The following C1orf146 variants were observed in gnomAD, a reference collection of about 807,000 sequenced individuals.
C1orf146 encodes the protein protein SPO16 homolog.
In C1orf146, 22 loss-of-function variants were observed where a neutral mutation model predicts 23.0. That is an observed-to-expected ratio of 0.96 (90% CI 0.68 to 1.36). C1orf146 has a LOEUF of 1.36. C1orf146 is among the 40% of genes most tolerant of loss of function. The probability of loss-of-function intolerance (pLI) is 0.00; values close to 1 mark genes in which losing one functional copy is unlikely to be tolerated. For synonymous variants in C1orf146, 59 were observed against 65.3 expected (o/e 0.90, Z 0.47); for missense variants, 199 against 206.8 (o/e 0.96, Z 0.23).
At chr1:92,223,983 G>A (rs993691564) in intron 1 of C1orf146, among the ~76,000 whole-genome samples, 3 of 150,786 alleles carry the variant, frequency 2.0e-5, no homozygotes, top group African/African-American at 7.3e-5. Flanking sequence ...AGGTGTTACT[G>A]GTGCAGTTTT....
chr1:92,243,674 G>C (rs1271756115), intron 3 of C1orf146, among the ~76,000 whole-genome samples: 1 of 152,074 alleles, frequency 6.6e-6, no homozygotes, highest in African/African-American at 2.4e-5. Flanking sequence ...TCTTTCTTTA[G>C]CTGATTTCCA....
rs1207066056 is a variant in C1orf146 at position 92,242,369 on chromosome 1, C to T, written c.160+64C>T. The T allele has an allele frequency of 4.7e-6, 4 of 851,220 alleles. No individual in the cohort carries two copies. The Admixed American group carries it at 9.5e-5, about 20-fold the overall frequency. 52.7% of individuals were successfully genotyped at this position (851,220 alleles called of 1,614,324 possible). The stretch of plus-strand genomic sequence containing the variant: ...AATATGTTGGTATAAATTCTAATGA[C>T]TTCATAGTTCAGTAACCATGTAATG... On this transcript the variant is annotated intron_variant, in intron 3 of 5. Coordinates refer to ENST00000370375, the MANE Select transcript of C1orf146 (RefSeq NM_001012425.2).
At chr1:92,235,757 A>C (rs536013191) in intron 2 of C1orf146, among the ~76,000 whole-genome samples, 1 of 152,272 alleles carries the variant, frequency 6.6e-6, no homozygotes, top group East Asian at 1.9e-4. Context: ...GTCTCTTTGT[A>C]GGTCACTCAG....
intron 5 of C1orf146, 69 bp downstream of exon 5, chr1:92,244,926 C>A: frequency 1.1e-6 from 1 of 900,274 alleles, no homozygotes. Flanking sequence ...AATTGTCACC[C>A]TTTTGAGCGA....
intron 5 of C1orf146, among the ~76,000 whole-genome samples, 182 bp downstream of exon 5, chr1:92,245,039 G>T (rs1261725356): frequency 6.6e-6 from 1 of 152,060 alleles, no homozygotes; most frequent in Non-Finnish European, 1.5e-5. Flanking sequence ...TTTACTTCCA[G>T]TAGCCACTAC....
intron 2 of C1orf146, among the ~76,000 whole-genome samples, chr1:92,234,574 T>G (rs1471168636): frequency 3.3e-5 from 5 of 152,242 alleles, no homozygotes; most frequent in Non-Finnish European, 7.3e-5. Flanking sequence ...AAAATTCTCT[T>G]TTTTTGTTGT....
rs527450633 is a variant in C1orf146, at chr1:92,235,666, G to A, written c.66+4180G>A. Among the ~76,000 whole-genome samples the A allele has an allele frequency of 2.5e-3, 386 of 152,114 alleles. 3 individuals are homozygous for A. The highest frequency in any genetic ancestry group is 9.1e-3 in the South Asian group (44 of 4,822). On this transcript the variant is annotated intron_variant, in intron 2 of 5. Transcript: ENST00000370375. ...CTGAGTTCAATTCCTGGGTATCCTT[G>A]TTGACTTTCTGTCTCGTTGATCTGT...
intron 1 of C1orf146, among the ~76,000 whole-genome samples, chr1:92,220,567 C>G (rs1651795828): frequency 6.6e-6 from 1 of 152,068 alleles, no homozygotes; most frequent in African/African-American, 2.4e-5. Context: ...CTAAACATAT[C>G]TAAATGTAAA....
chr1:92,219,950 T>C (rs1433780786), intron 1 of C1orf146, among the ~76,000 whole-genome samples: 1 of 152,232 alleles, frequency 6.6e-6, no homozygotes, highest in Non-Finnish European at 1.5e-5. Flanking sequence ...GGATATTCAC[T>C]TTATACTTTG....
chr1:92,240,027 C>A (rs2100746941), intron 2 of C1orf146, among the ~76,000 whole-genome samples: 1 of 152,314 alleles, frequency 6.6e-6, no homozygotes. Flanking sequence ...TCACTCAGAT[C>A]ATTTTCTTTG....
intron 2 of C1orf146, among the ~76,000 whole-genome samples, chr1:92,238,392 T>A (rs558237967): frequency 6.6e-6 from 1 of 152,342 alleles, no homozygotes; most frequent in Non-Finnish European, 1.5e-5. Context: ...GAGACTTTAA[T>A]ATGCTCAAAT....
chr1:92,235,126 T>C (rs1433120186), intron 2 of C1orf146, among the ~76,000 whole-genome samples: 1 of 152,012 alleles, frequency 6.6e-6, no homozygotes, highest in Non-Finnish European at 1.5e-5. Flanking sequence ...CTGCTCTGAT[T>C]TTAGTTATTT....
At chr1:92,240,173 T>C (rs1570797576) in intron 2 of C1orf146, among the ~76,000 whole-genome samples, 1 of 152,244 alleles carries the variant, frequency 6.6e-6, no homozygotes, top group African/African-American at 2.4e-5. Flanking sequence ...GAAGCTGGGC[T>C]ATAGTCCCTG....
At chr1:92,239,748 C>T (rs1200818458) in intron 2 of C1orf146, among the ~76,000 whole-genome samples, 2 of 148,726 alleles carry the variant, frequency 1.3e-5, no homozygotes, top group Non-Finnish European at 3.0e-5. Context: ...GAGACCCTGT[C>T]TCAAAAAAAA....
Position 92,244,858 on chromosome 1 carries a change from G to A in C1orf146, c.408+1G>A. 1 of 1,568,806 alleles carries A rather than the reference G, an allele frequency of 6.4e-7. No homozygotes were observed. The highest frequency in any genetic ancestry group is 8.8e-7 in the Non-Finnish European group (1 of 1,141,556). On this transcript the variant is annotated splice_donor_variant, in intron 5 of 5. Transcript: ENST00000370375. LOFTEE classifies it high-confidence loss of function. ...TAATCTTATGTGCACTATAGCAAAGGTGAGTCACCCGTGGAATATGACACA... is the reference window on the plus strand; with the variant it reads ...TAATCTTATGTGCACTATAGCAAAGATGAGTCACCCGTGGAATATGACACA...
chr1:92,222,535 G>GTTTTTTTTTTTTTTTTTTTTTTTTTCTTT, intron 1 of C1orf146, among the ~76,000 whole-genome samples: 1 of 60,582 alleles, frequency 1.7e-5, no homozygotes, highest in African/African-American at 7.1e-5. Flanking sequence ...CCCTTCTTCG[G>GTTTTTTTTTTTTTTTTTTTTTTTTTCTTT]TTTTTTTTTT....
chr1:92,243,292 G>A (rs1009772386), intron 3 of C1orf146, among the ~76,000 whole-genome samples: 2 of 152,102 alleles, frequency 1.3e-5, no homozygotes, highest in Non-Finnish European at 2.9e-5. Context: ...TTAATGGCCT[G>A]ACACTGTTTC....
rs1444821226 is a variant in C1orf146 at position 92,224,232 on chromosome 1, A to G, written c.-40+6184A>G. ...CACCTGGCTAATTTTTTGTATTTTTAGTGGAGACAGGTTGTCACTGTTAGC... is the reference window on the plus strand; with the variant it reads ...CACCTGGCTAATTTTTTGTATTTTTGGTGGAGACAGGTTGTCACTGTTAGC... On this transcript the variant is annotated intron_variant, in intron 1 of 5. Transcript: ENST00000370375. 2.0e-5 allele frequency among the ~76,000 whole-genome samples: 3 copies of G among 150,752 alleles called. No individual in the cohort carries two copies. The East Asian group carries it at 5.9e-4, about 30-fold the overall frequency.
chr1:92,240,232 CCT>C (rs1374781665), intron 2 of C1orf146, among the ~76,000 whole-genome samples: 1 of 152,240 alleles, frequency 6.6e-6, no homozygotes, highest in African/African-American at 2.4e-5. Context: ...CTCTCTTCTG[CCT>C]CTTTCTGAGC....
Sources: gnomAD v4.1 joint callset for allele counts (sites outside exome capture counted in the v4.1 genomes callset) on GRCh38, gnomAD v4.1.1 for gene constraint, MANE v1.5 for transcripts, NCBI Gene and HGNC (gene_info 2026-07-23, HGNC 2026-07-21) for gene names.